Variants in RTN4RL1 observed in about 807,000 individuals in gnomAD.
RTN4RL1 encodes reticulon 4 receptor like 1.
Under a neutral mutation model 25.6 loss-of-function variants are expected in RTN4RL1, and 7 were observed. That is an observed-to-expected ratio of 0.27 (90% CI 0.16 to 0.51). The LOEUF is 0.51. Among genes scored for constraint, RTN4RL1 ranks in the 20% least tolerant of loss-of-function variants. The pLI, the probability that RTN4RL1 is intolerant of heterozygous loss-of-function variation, is 0.97. For synonymous variants in RTN4RL1, 297 were observed against 288.2 expected, an observed-to-expected ratio of 1.03 and a Z score of -0.31; for missense variants, 500 against 615.6, an observed-to-expected ratio of 0.81 and a Z score of 1.99.
intron 1 of RTN4RL1, among the ~76,000 whole-genome samples, chr17:1,979,085 C>T (rs1239642941): frequency 6.6e-6 from 1 of 152,246 alleles, no homozygotes; most frequent in Non-Finnish European, 1.5e-5. Flanking sequence ...CCAGCCTGGC[C>T]AACACGGTGA....
chr17:1,935,706 T>TG lies in RTN4RL1; in HGVS notation c.*789_*790insC, dbSNP rs1915280698. 4.0e-6 allele frequency: 1 copy of TG among 248,596 alleles called. No individual in the cohort carries two copies. The highest frequency in any genetic ancestry group is 3.5e-5 in the African/African-American group (1 of 28,876). The allele number at this position is 248,596 out of a possible 1,614,324, so 15.4% of individuals were successfully genotyped here. On this transcript the variant is annotated 3_prime_UTR_variant, in exon 2 of 2. Transcript: ENST00000331238. ...AACGGAGTGGGAGGGGGACTGTGCA[T>TG]TTGTGTATATATATATATATATATA...
chr17:2,024,830 T>C (rs771158981), intron 1 of RTN4RL1, 23 bp downstream of exon 1: 2 of 1,567,746 alleles, frequency 1.3e-6, no homozygotes, highest in South Asian at 1.2e-5. Flanking sequence ...CAACTTCAAC[T>C]TGCCCCTGCG....
At chr17:1,960,553 T>C (rs1188791618) in intron 1 of RTN4RL1, among the ~76,000 whole-genome samples, 1 of 152,198 alleles carries the variant, frequency 6.6e-6, no homozygotes, top group Non-Finnish European at 1.5e-5. Flanking sequence ...TTGTAAAATA[T>C]ACACATTTTT....
intron 1 of RTN4RL1, among the ~76,000 whole-genome samples, chr17:2,021,845 G>A (rs898794731): frequency 1.4e-5 from 2 of 139,418 alleles, no homozygotes; most frequent in African/African-American, 2.7e-5. Flanking sequence ...GTGAGCCACT[G>A]TGCCCGGTCT....
At position 2,025,043 on chromosome 17, in the gene RTN4RL1, C is replaced by A; in HGVS notation, c.-178G>T. 1 of 515,536 alleles carries A rather than the reference C, an allele frequency of 1.9e-6. No individual in the cohort carries two copies. Among genetic ancestry groups the A allele is most frequent in the Non-Finnish European group, 3.2e-6 (1 of 312,082 alleles). The allele number at this position is 515,536 out of a possible 1,614,324, so 31.9% of individuals were successfully genotyped here. On this transcript the variant is annotated 5_prime_UTR_variant, in exon 1 of 2. Coordinates refer to ENST00000331238, the MANE Select transcript of RTN4RL1 (RefSeq NM_178568.4). The surrounding 1 kb of genome is among the most constrained non-coding windows in gnomAD (Gnocchi z 4.8). Reference sequence around the variant, plus strand: ...AGGGGCATGGTGAGCTCCAGCCCCGCGCCGAGGGCACCGGCGCCCGCAAGC... The same window carrying A: ...AGGGGCATGGTGAGCTCCAGCCCCGAGCCGAGGGCACCGGCGCCCGCAAGC...
chr17:1,966,181 G>T (rs557722481), intron 1 of RTN4RL1, among the ~76,000 whole-genome samples: 2 of 152,110 alleles, frequency 1.3e-5, no homozygotes, highest in East Asian at 1.9e-4. Flanking sequence ...ATTCCAACTC[G>T]ACGTGGTACA....
chr17:1,936,987 C>T lies in RTN4RL1; in HGVS notation c.835G>A (p.Ala279Thr), dbSNP rs780947741. Reference protein sequence around the residue: ...WLQRFRGSSSAVPCVSPGLRH... With the variant: ...WLQRFRGSSSTVPCVSPGLRH... Reference sequence around the variant, plus strand: ...AGCCCAGGGGACACACAGGGGACAGCGGAGCTGGAGCCCCGGAACCTCTGC... The same window carrying T: ...AGCCCAGGGGACACACAGGGGACAGTGGAGCTGGAGCCCCGGAACCTCTGC... Residue 279 changes from alanine (A) to threonine (T), a missense_variant, in exon 2 of 2, where the codon GCT becomes ACT. Physicochemically the swap from Ala to Thr is moderately conservative, Grantham distance 58. Coordinates refer to ENST00000331238, the MANE Select transcript of RTN4RL1 (RefSeq NM_178568.4). The T allele has an allele frequency of 3.7e-6, 6 of 1,604,818 alleles. No individual in the cohort carries two copies. The highest frequency in any genetic ancestry group is 1.1e-5 in the South Asian group (1 of 90,332).
At chr17:1,989,772 C>T (rs192679960) in intron 1 of RTN4RL1, among the ~76,000 whole-genome samples, 1 of 152,076 alleles carries the variant, frequency 6.6e-6, no homozygotes, top group South Asian at 2.1e-4. Context: ...GGGGGTTTCA[C>T]CATTTTGGAC....
rs942539613 is a variant in RTN4RL1, at chr17:1,991,243, G to C, written c.13+33610C>G. Among the ~76,000 whole-genome samples the C allele has an allele frequency of 2.0e-5, 3 of 152,026 alleles. No individual in the cohort carries two copies. The South Asian group carries it at 6.2e-4, about 32-fold the overall frequency. The stretch of plus-strand genomic sequence containing the variant: ...AGGTTTTAAGTACCTGTAAGAGGCG[G>C]TAATGGATGCCCCGGGGAAGGGTAG... On this transcript the variant is annotated intron_variant, in intron 1 of 1. Transcript: ENST00000331238.
At chr17:1,956,083 ATATGGAGT>A (rs1480156991) in intron 1 of RTN4RL1, among the ~76,000 whole-genome samples, 5 of 152,072 alleles carry the variant, frequency 3.3e-5, no homozygotes, top group African/African-American at 1.2e-4. Flanking sequence ...ATCATGCTAT[ATATGGAGT>A]TCTGTATCCC....
chr17:1,988,973 C>A (rs1217072700), intron 1 of RTN4RL1, among the ~76,000 whole-genome samples: 1 of 152,074 alleles, frequency 6.6e-6, no homozygotes, highest in Non-Finnish European at 1.5e-5. Context: ...AACAGGGGCC[C>A]CTATTTCAAG....
At chr17:2,024,501 G>A (rs985656286) in intron 1 of RTN4RL1, among the ~76,000 whole-genome samples, 3 of 152,010 alleles carry the variant, frequency 2.0e-5, no homozygotes, top group Non-Finnish European at 2.9e-5. Flanking sequence ...GCGTGTGCCC[G>A]CGCAGGGAAT....
intron 1 of RTN4RL1, among the ~76,000 whole-genome samples, chr17:1,997,452 G>A (rs2066934278): frequency 6.6e-6 from 1 of 152,208 alleles, no homozygotes; most frequent in South Asian, 2.1e-4. Flanking sequence ...ATCATCGCAT[G>A]TGTTTACTTA....
intron 1 of RTN4RL1, among the ~76,000 whole-genome samples, chr17:1,966,451 C>T (rs1200378252): frequency 6.6e-6 from 1 of 152,108 alleles, no homozygotes; most frequent in East Asian, 1.9e-4. Flanking sequence ...AAAAGCATTC[C>T]CTGAGGGCCT....
intron 1 of RTN4RL1, among the ~76,000 whole-genome samples, chr17:2,005,282 C>T (rs2066985456): frequency 6.6e-6 from 1 of 152,220 alleles, no homozygotes; most frequent in Non-Finnish European, 1.5e-5. Flanking sequence ...GCTGGGATTA[C>T]AGGTATGAGC....
intron 1 of RTN4RL1, among the ~76,000 whole-genome samples, chr17:1,984,083 C>T (rs1335998003): frequency 1.3e-5 from 2 of 152,222 alleles, no homozygotes; most frequent in East Asian, 3.8e-4. Context: ...GCAGCACCTT[C>T]CCTTCCCCCA....
At position 1,936,352 on chromosome 17, in the gene RTN4RL1, G is replaced by A; in HGVS notation, c.*144C>T. 2 of 1,430,834 alleles carry A rather than the reference G, an allele frequency of 1.4e-6. No individual in the cohort carries two copies. The highest frequency in any genetic ancestry group is 2.9e-5 in the African/African-American group (2 of 69,386). The allele number at this position is 1,430,834 out of a possible 1,614,324, so 88.6% of individuals were successfully genotyped here. A position where few individuals can be genotyped will look rare whatever the true frequency, so the allele number is the denominator to read the frequency against. On this transcript the variant is annotated 3_prime_UTR_variant, in exon 2 of 2. Transcript: ENST00000331238. ...TTTGGGTTTATAATCCACATGGCAG[G>A]GTCCAGACGTCCAGACAGCAGCCGA... is the stretch of plus-strand genomic sequence containing the variant.
intron 1 of RTN4RL1, among the ~76,000 whole-genome samples, chr17:1,957,373 T>A (rs116767193): frequency 5.3e-5 from 8 of 152,308 alleles, no homozygotes; most frequent in Admixed American, 3.9e-4. Flanking sequence ...GAGCCTCATA[T>A]GAAGAGGAGA....
chr17:1,939,228 T>C lies in RTN4RL1; in HGVS notation c.14-1420A>G, dbSNP rs942218244. Among the ~76,000 whole-genome samples the C allele has an allele frequency of 3.5e-3, 524 of 149,104 alleles. 1 individual carries two copies. The highest frequency in any genetic ancestry group is 7.2e-3 in the Middle Eastern group (2 of 278). On this transcript the variant is annotated intron_variant, in intron 1 of 1. Coordinates refer to ENST00000331238, the MANE Select transcript of RTN4RL1 (RefSeq NM_178568.4). The stretch of plus-strand genomic sequence containing the variant: ...ATTAGCCGGGCGTGGTGGCGCGCAC[T>C]TGTAGTCCCAGCTACTTGGGAGGCT...
Sources: gnomAD v4.1 joint callset for allele counts (sites outside exome capture counted in the v4.1 genomes callset) on GRCh38, gnomAD v4.1.1 for gene constraint, Gnocchi (gnomAD v3.1) non-coding constraint, MANE v1.5 for transcripts, NCBI Gene and HGNC (gene_info 2026-07-23, HGNC 2026-07-21) for gene names.